Variants in HMGCS1 observed in about 807,000 individuals in gnomAD.
HMGCS1 encodes the protein hydroxymethylglutaryl-CoA synthase, cytoplasmic.
Under a neutral mutation model 52.3 loss-of-function variants are expected in HMGCS1, and 9 were observed. The ratio of observed to expected loss-of-function variants is 0.17; its 90% confidence interval spans 0.10 to 0.30. The LOEUF (loss-of-function observed/expected upper bound fraction) is 0.30. HMGCS1 is among the 10% of genes least tolerant of loss of function. HMGCS1 has a pLI of 1.00. For missense variants in HMGCS1, 320 were observed against 620.9 expected, an observed-to-expected ratio of 0.52 and a Z score of 5.15; for synonymous variants, 176 against 214.4, an observed-to-expected ratio of 0.82 and a Z score of 1.57.
chr5:43,293,993 G>A, intron 8 of HMGCS1, 63 bp downstream of exon 8: 2 of 1,079,082 alleles, frequency 1.9e-6, no homozygotes, highest in Admixed American at 1.7e-5. Flanking sequence ...GGGATTACGG[G>A]TGTGAGCCAC....
intron 10 of HMGCS1, among the ~76,000 whole-genome samples, chr5:43,291,918 C>A (rs1039651794): frequency 6.6e-6 from 1 of 151,554 alleles, no homozygotes; most frequent in Non-Finnish European, 1.5e-5. Context: ...CACAAATGAA[C>A]CTTCTCTCTA....
rs58264994 is a variant in HMGCS1, at chr5:43,305,781, C to CA, written c.-11+1984dup. Among the ~76,000 whole-genome samples, 118 of 86,720 alleles carry CA rather than the reference C, an allele frequency of 1.4e-3. 3 individuals carry two copies. The South Asian group carries it at 0.017, about 12-fold the overall frequency. The allele number at this position is 86,720 out of a possible 152,430, so 56.9% of individuals were successfully genotyped here. ...TGGGTCACAGAGTGAGACTCCGTCT[C>CA]AAAAAAAAAAAAAAAAAAATTTAAA... is the stretch of plus-strand genomic sequence containing the variant. On this transcript the variant is annotated intron_variant, in intron 2 of 10. Transcript: ENST00000325110.
chr5:43,303,691 C>G (rs1322966424), intron 2 of HMGCS1, among the ~76,000 whole-genome samples: 1 of 152,174 alleles, frequency 6.6e-6, no homozygotes, highest in Non-Finnish European at 1.5e-5. Context: ...AGAAAAACTC[C>G]TAAACACAAC....
rs1340837990 is a variant in HMGCS1, at chr5:43,294,543, T to G, written c.1076+148A>C. On this transcript the variant is annotated intron_variant, in intron 7 of 10. Coordinates refer to ENST00000325110, the MANE Select transcript of HMGCS1 (RefSeq NM_001098272.3). ...ACTGTAGCCTCAACCCATACATCTT[T>G]CAAGTCAATGGACAATAGCAGATTA... 1.3e-5 allele frequency: 7 copies of G among 551,198 alleles called. No homozygotes were observed. In the East Asian group the frequency reaches 2.1e-4, roughly 17 times the overall value. The allele number at this position is 551,198 out of a possible 1,614,324, so 34.1% of individuals were successfully genotyped here. A position where few individuals can be genotyped will look rare whatever the true frequency, so the allele number is the denominator to read the frequency against.
chr5:43,308,236 G>A (rs1351763470), intron 1 of HMGCS1, among the ~76,000 whole-genome samples: 1 of 152,200 alleles, frequency 6.6e-6, no homozygotes, highest in Non-Finnish European at 1.5e-5. Context: ...TCAAGAGCCT[G>A]CACTGCATGT....
chr5:43,293,178 C>T (rs539309112), intron 8 of HMGCS1, among the ~76,000 whole-genome samples: 7 of 152,224 alleles, frequency 4.6e-5, no homozygotes, highest in African/African-American at 1.7e-4. Flanking sequence ...TGAGTATCTG[C>T]CACTAGACAA....
intron 2 of HMGCS1, among the ~76,000 whole-genome samples, chr5:43,305,115 T>C (rs1282716430): frequency 6.6e-6 from 1 of 152,132 alleles, no homozygotes; most frequent in Admixed American, 6.6e-5. Flanking sequence ...GCCTCTCAAG[T>C]AGCTGGGATT....
chr5:43,309,700 C>T (rs1754764252), intron 1 of HMGCS1, among the ~76,000 whole-genome samples: 1 of 152,190 alleles, frequency 6.6e-6, no homozygotes, highest in South Asian at 2.1e-4. Context: ...TCAAGCAGAT[C>T]ACAAGCTTAT....
chr5:43,292,702 A>G, intron 9 of HMGCS1, 65 bp from the exon 10 acceptor site: 2 of 1,533,144 alleles, frequency 1.3e-6, no homozygotes, highest in Admixed American at 3.4e-5. Flanking sequence ...TAATAAAGCT[A>G]AAGATAAGTT....
At chr5:43,297,787 G>A (rs1478243594) in intron 4 of HMGCS1, among the ~76,000 whole-genome samples, 5 of 149,656 alleles carry the variant, frequency 3.3e-5, no homozygotes, top group Non-Finnish European at 5.9e-5. Flanking sequence ...GCAGTGAGCC[G>A]AGATCGTGCC....
rs753622586 is a variant in HMGCS1, at chr5:43,298,474, G to C, written c.448+44C>G. On this transcript the variant is annotated intron_variant, in intron 3 of 10. Transcript: ENST00000325110. This position sits in a 1 kb window ranked among gnomAD's most constrained non-coding sequence, Gnocchi z 5.6. The stretch of plus-strand genomic sequence containing the variant: ...TGTCATCTGGGTCTATTGAACCTTA[G>C]AAAAAAATTTTGGGGGACGGCGGGG... 1.3e-6 allele frequency: 2 copies of C among 1,519,584 alleles called. No homozygotes were observed. The highest frequency in any genetic ancestry group is 2.4e-5 in the South Asian group (2 of 82,344). The allele number at this position is 1,519,584 out of a possible 1,614,324, so 94.1% of individuals were successfully genotyped here. A position where few individuals can be genotyped will look rare whatever the true frequency, so the allele number is the denominator to read the frequency against.
At chr5:43,291,260 T>C (rs1332969189) in intron 10 of HMGCS1, 40 bp from the exon 11 acceptor site, 2 of 1,212,220 alleles carry the variant, frequency 1.6e-6, no homozygotes, top group African/African-American at 3.0e-5. Context: ...CTTATGATTC[T>C]TTCCCCCACA....
Position 43,288,414 on chromosome 5 carries a change from C to A in HMGCS1, c.*2717G>T, listed in dbSNP as rs758610449. Reference sequence around the variant, plus strand: ...TTAAATTATTTAAAGATCCTGTTACCCTTGCTCTGTTGACTGCCACTTCAG... The same window carrying A: ...TTAAATTATTTAAAGATCCTGTTACACTTGCTCTGTTGACTGCCACTTCAG... On this transcript the variant is annotated 3_prime_UTR_variant, in exon 11 of 11. Transcript: ENST00000325110. 6.6e-6 allele frequency: 1 copy of A among 152,054 alleles called. No homozygotes were observed. The highest frequency in any genetic ancestry group is 1.5e-5 in the Non-Finnish European group (1 of 68,022). 9.4% of individuals were successfully genotyped at this position (152,054 alleles called of 1,614,324 possible).
rs774984133 is a variant in HMGCS1, at chr5:43,298,710, A to C, written c.256T>G (p.Cys86Gly). Reference protein sequence around the residue: ...LMERNNLSYDCIGRLEVGTET... With the variant: ...LMERNNLSYDGIGRLEVGTET... ...GTTCCAACTTCCAGCCGCCCAATGC[A>C]ATCATAGGAAAGGTTATTTCTCTCC... Residue 86 changes from cysteine to glycine, a missense_variant, in exon 3 of 11, where the codon TGC becomes GGC. Physicochemically the swap from Cys to Gly is radical, Grantham distance 159 (BLOSUM62 -3). This residue lies in a region of HMGCS1 where 85 missense variants were observed against 260.0 expected (regional missense o/e 0.33). Coordinates refer to ENST00000325110, the MANE Select transcript of HMGCS1 (RefSeq NM_001098272.3). The surrounding 1 kb of genome is among the most constrained non-coding windows in gnomAD (Gnocchi z 5.6). The C allele has an allele frequency of 2.5e-6, 4 of 1,614,150 alleles. No individual in the cohort carries two copies. Among genetic ancestry groups the C allele is most frequent in the Admixed American group, 1.7e-5 (1 of 60,008 alleles).
intron 2 of HMGCS1, among the ~76,000 whole-genome samples, chr5:43,304,184 G>A (rs1463760547): frequency 1.3e-5 from 2 of 152,198 alleles, no homozygotes; most frequent in Non-Finnish European, 2.9e-5. Flanking sequence ...TAGTCCATAG[G>A]CTTATAAGCT....
At chr5:43,302,991 T>C (rs555303403) in intron 2 of HMGCS1, among the ~76,000 whole-genome samples, 1 of 152,330 alleles carries the variant, frequency 6.6e-6, no homozygotes, top group South Asian at 2.1e-4. Context: ...GTGTTTTCCA[T>C]CTTATTGAAT....
intron 2 of HMGCS1, among the ~76,000 whole-genome samples, chr5:43,299,795 C>A (rs1276817040): frequency 1.3e-5 from 2 of 152,172 alleles, no homozygotes; most frequent in African/African-American, 4.8e-5. Flanking sequence ...AAATCACTAG[C>A]TACTCAAGAC....
rs756914931 is a variant in HMGCS1 at position 43,295,803 on chromosome 5, T to C, written c.854A>G (p.Asn285Ser). 1.9e-6 allele frequency: 3 copies of C among 1,613,286 alleles called. No homozygotes were observed. The highest frequency in any genetic ancestry group is 2.2e-5 in the South Asian group (2 of 91,078). The stretch of plus-strand genomic sequence containing the variant: ...ACTATTTTTATCTCTATTCTGGTCA[T>C]TAAGGAAGTCATTCAGCAACATCCG... ...LARMLLNDFLNDQNRDKNSIY... is the reference protein window; with the variant it reads ...LARMLLNDFLSDQNRDKNSIY... Residue 285 changes from asparagine to serine, a missense_variant, in exon 6 of 11, where the codon AAT becomes AGT. Physicochemically the swap from Asn to Ser is conservative, Grantham distance 46. Transcript: ENST00000325110.
chr5:43,305,863 A>C (rs1443244630), intron 2 of HMGCS1, among the ~76,000 whole-genome samples: 2 of 131,830 alleles, frequency 1.5e-5, no homozygotes, highest in African/African-American at 3.3e-5. Flanking sequence ...AATTTTAAAA[A>C]TCTGATGGTT....
Sources: allele counts gnomAD v4.1 joint callset (sites outside exome capture counted in the v4.1 genomes callset), GRCh38; gene constraint gnomAD v4.1.1; regional missense constraint gnomAD v4.1.1; non-coding constraint Gnocchi (gnomAD v3.1); transcripts MANE v1.5; gene names NCBI Gene and HGNC (gene_info 2026-07-23, HGNC 2026-07-21).